KDM3B: variants seen among roughly 807,000 people sequenced by gnomAD.
The protein encoded by KDM3B is lysine demethylase 3B, also known as lysine-specific demethylase 3B.
In KDM3B, 10 loss-of-function variants were observed where a neutral mutation model predicts 170.0. The observed-to-expected ratio is 0.06, with a 90% confidence interval of 0.04 to 0.10. KDM3B has a LOEUF of 0.10. Among genes scored for constraint, KDM3B ranks in the 10% least tolerant of loss-of-function variants. The pLI is 1.00. For synonymous variants in KDM3B, 831 were observed against 834.8 expected (o/e 1.00, Z 0.08); for missense variants, 1,394 against 2,195.2 (o/e 0.64, Z 7.29).
intron 4 of KDM3B, among the ~76,000 whole-genome samples, chr5:138,378,372 C>T (rs546025272): frequency 6.6e-6 from 1 of 152,048 alleles, no homozygotes; most frequent in Non-Finnish European, 1.5e-5. Context: ...ACAAATAACA[C>T]CTTGGAGTGC....
intron 1 of KDM3B, among the ~76,000 whole-genome samples, chr5:138,359,406 C>T (rs1012930950): frequency 6.6e-6 from 1 of 151,682 alleles, no homozygotes; most frequent in African/African-American, 2.4e-5. Context: ...AGCTGATCTG[C>T]CTATCTCAGC....
intron 23 of KDM3B, among the ~76,000 whole-genome samples, chr5:138,432,566 G>A (rs1763561275): frequency 6.6e-6 from 1 of 152,000 alleles, no homozygotes; most frequent in Non-Finnish European, 1.5e-5. Context: ...CTACTTGAGA[G>A]GCTGAGGCAG....
chr5:138,400,896 C>CTT (rs554180552), intron 11 of KDM3B, among the ~76,000 whole-genome samples: 71 of 146,726 alleles, frequency 4.8e-4, no homozygotes, highest in East Asian at 7.9e-4. Context: ...ACTTTTTTCT[C>CTT]TTTTTTTTTT....
chr5:138,413,065 T>G (rs1298524087), intron 11 of KDM3B, among the ~76,000 whole-genome samples: 3 of 152,168 alleles, frequency 2.0e-5, no homozygotes, highest in Non-Finnish European at 4.4e-5. Flanking sequence ...AATTATTATG[T>G]CCACTAGAAT....
chr5:138,404,720 G>C (rs551048279), intron 11 of KDM3B, among the ~76,000 whole-genome samples: 1 of 151,778 alleles, frequency 6.6e-6, no homozygotes, highest in Admixed American at 6.6e-5. Context: ...TTTTTGTTTT[G>C]TTTTGTTTTT....
intron 1 of KDM3B, among the ~76,000 whole-genome samples, chr5:138,370,636 A>G (rs924570488): frequency 6.6e-6 from 1 of 152,196 alleles, no homozygotes; most frequent in African/African-American, 2.4e-5. Flanking sequence ...TTGAAAAATC[A>G]TAGCACATAC....
In KDM3B at chr5:138,419,117, T is replaced by C; in HGVS notation, c.3600T>C (p.Asn1200=). The change falls in exon 14 of 24, where the codon AAT becomes AAC. Residue 1200 remains asparagine (N), a synonymous_variant. Transcript: ENST00000314358. ...EPLKTDSSAS[N]SNSELKAIRP... ...TGAAAACAGACAGTTCGGCATCAAA[T>C]AGCAATAGTGAACTGAAAGCCATCA... is the stretch of plus-strand genomic sequence containing the variant. The C allele has an allele frequency of 1.2e-6, 2 of 1,614,180 alleles. No individual in the cohort carries two copies. The highest frequency in any genetic ancestry group is 1.1e-5 in the South Asian group (1 of 91,086).
chr5:138,421,495 A>G (rs1366739714), intron 15 of KDM3B, among the ~76,000 whole-genome samples: 3 of 152,098 alleles, frequency 2.0e-5, no homozygotes, highest in Non-Finnish European at 4.4e-5. Flanking sequence ...TTGATCTTCA[A>G]ACTATATTCA....
At chr5:138,382,924 C>T (rs1374249380) in intron 6 of KDM3B, among the ~76,000 whole-genome samples, 1 of 152,030 alleles carries the variant, frequency 6.6e-6, no homozygotes, top group Non-Finnish European at 1.5e-5. Context: ...TATTTCATTC[C>T]TTCATTAAGC....
intron 13 of KDM3B, among the ~76,000 whole-genome samples, chr5:138,418,468 G>A (rs897215458): frequency 6.6e-6 from 1 of 152,132 alleles, no homozygotes; most frequent in Non-Finnish European, 1.5e-5. Flanking sequence ...GATGATAAGA[G>A]GCACAGGGAT....
In KDM3B at chr5:138,391,260, T is replaced by C. The variant is rs769176649; in HGVS notation, c.1628T>C (p.Val543Ala). 1.9e-6 allele frequency: 3 copies of C among 1,614,074 alleles called. No homozygotes were observed. In the African/African-American group the frequency reaches 4.0e-5, roughly 22 times the overall value. ...TLPTSNYFTT[V>A]SESLADDSSS... ...CCTACCAGTAACTACTTCACTACTG[T>C]TTCAGAGAGTTTGGCTGATGATTCT... The change falls in exon 8 of 24, where the codon GTT (valine) becomes GCT (alanine). Residue 543 changes from valine (V) to alanine (A), a missense_variant. Around this residue, in one of 19 missense-constraint regions of KDM3B, gnomAD observed 294 missense variants for 311.7 expected, o/e 0.94. Transcript: ENST00000314358. This position sits in a 1 kb window ranked among gnomAD's most constrained non-coding sequence, Gnocchi z 5.0.
At position 138,386,405 on chromosome 5, in the gene KDM3B, CACAGGT is replaced by C; in HGVS notation, c.1165_1170del (p.Thr389_Gly390del). 6.2e-7 allele frequency: 1 copy of C among 1,614,194 alleles called. No individual in the cohort carries two copies. Among genetic ancestry groups the C allele is most frequent in the Non-Finnish European group, 8.5e-7 (1 of 1,180,042 alleles). On this transcript the variant is annotated inframe_deletion, in exon 7 of 24. Transcript: ENST00000314358. ...CATCTTTCACTCCATATTCTACAGC[CACAGGT>C]CAGACACCTTTGGCCCCAGAGGTGG...
At chr5:138,363,545 A>G (rs1025367842) in intron 1 of KDM3B, among the ~76,000 whole-genome samples, 15 of 152,124 alleles carry the variant, frequency 9.9e-5, no homozygotes, top group Non-Finnish European at 1.9e-4. Flanking sequence ...AATTATTCTA[A>G]TAATTTTTTT....
chr5:138,362,887 C>A (rs968907472), intron 1 of KDM3B, among the ~76,000 whole-genome samples: 24 of 149,492 alleles, frequency 1.6e-4, no homozygotes, highest in Admixed American at 1.1e-3. Context: ...CCTCCCCTCT[C>A]CCCCCAATAA....
rs779978525 is a variant in KDM3B at position 138,419,139 on chromosome 5, A to T, written c.3622A>T (p.Ile1208Phe). 1.2e-6 allele frequency: 2 copies of T among 1,614,220 alleles called. No individual in the cohort carries two copies. The highest frequency in any genetic ancestry group is 1.7e-5 in the Admixed American group (1 of 60,018). The change falls in exon 14 of 24, where the codon ATC (isoleucine) becomes TTC (phenylalanine). Residue 1208 changes from isoleucine (I) to phenylalanine (F), a missense_variant. Ile to Phe is a conservative substitution (Grantham distance 21). This residue lies in a region of KDM3B where 87 missense variants were observed against 83.3 expected (regional missense o/e 1.04). Coordinates refer to ENST00000314358, the MANE Select transcript of KDM3B (RefSeq NM_016604.4). ...AAATAGCAATAGTGAACTGAAAGCC[A>T]TCAGGCCTCCTTGCCCTGACACGGC... ...ASNSNSELKA[I>F]RPPCPDTAPP...
At chr5:138,380,799 C>T (rs1439171512) in intron 5 of KDM3B, among the ~76,000 whole-genome samples, 1 of 151,708 alleles carries the variant, frequency 6.6e-6, no homozygotes, top group Non-Finnish European at 1.5e-5. Context: ...TCTCGAACTC[C>T]TGGTCCTCCT....
chr5:138,405,838 C>G (rs1762804943), intron 11 of KDM3B, among the ~76,000 whole-genome samples: 4 of 151,986 alleles, frequency 2.6e-5, no homozygotes, highest in Admixed American at 1.3e-4. Context: ...AGAGGGAAAA[C>G]TGGAAGTATA....
At chr5:138,387,068 C>T (rs575468758) in intron 7 of KDM3B, among the ~76,000 whole-genome samples, 1 of 149,486 alleles carries the variant, frequency 6.7e-6, no homozygotes, top group African/African-American at 2.4e-5. Context: ...TGATATTTTC[C>T]CTTGAGGCTG....
At chr5:138,422,752 A>T (rs1011228536) in intron 15 of KDM3B, among the ~76,000 whole-genome samples, 1 of 152,072 alleles carries the variant, frequency 6.6e-6, no homozygotes, top group African/African-American at 2.4e-5. Context: ...AGATATTATC[A>T]TATGTATGTT....
Sources: gnomAD v4.1 joint callset for allele counts (sites outside exome capture counted in the v4.1 genomes callset) on GRCh38, gnomAD v4.1.1 for gene constraint, gnomAD v4.1.1 regional missense constraint, Gnocchi (gnomAD v3.1) non-coding constraint, MANE v1.5 for transcripts, NCBI Gene and HGNC (gene_info 2026-07-23, HGNC 2026-07-21) for gene names.